Variants in ST8SIA6 observed in about 807,000 individuals in gnomAD.
ST8SIA6 encodes alpha-2,8-sialyltransferase 8F.
ST8SIA6 carries 39 observed loss-of-function variants against 33.6 expected under a neutral mutation model. That is an observed-to-expected ratio of 1.16 (90% CI 0.90 to 1.52). The LOEUF (loss-of-function observed/expected upper bound fraction) is 1.52, where lower values mean the gene tolerates loss of function less well. Among genes scored for constraint, ST8SIA6 ranks in the 40% most tolerant of loss-of-function variants. The pLI, the probability that ST8SIA6 is intolerant of heterozygous loss-of-function variation, is 0.00. For missense variants in ST8SIA6, 441 were observed against 443.8 expected (o/e 0.99, Z 0.06); for synonymous variants, 172 against 167.2 (o/e 1.03, Z -0.22).
At chr10:17,447,853 T>C (rs913375285) in intron 2 of ST8SIA6, among the ~76,000 whole-genome samples, 3 of 152,188 alleles carry the variant, frequency 2.0e-5, no homozygotes, top group African/African-American at 7.2e-5. Flanking sequence ...CTCACTCTGT[T>C]GTCCAGGATA....
chr10:17,334,302 G>A (rs910284157), intron 4 of ST8SIA6, among the ~76,000 whole-genome samples: 7 of 151,406 alleles, frequency 4.6e-5, no homozygotes, highest in South Asian at 2.1e-4. Context: ...CACTTTGGGA[G>A]GCCGAGGCGG....
At chr10:17,409,113 A>G (rs537965183) in intron 2 of ST8SIA6, among the ~76,000 whole-genome samples, 4 of 152,290 alleles carry the variant, frequency 2.6e-5, no homozygotes, top group African/African-American at 9.6e-5. Flanking sequence ...AAAATACCTT[A>G]TCTGTATTCA....
intron 2 of ST8SIA6, among the ~76,000 whole-genome samples, chr10:17,407,190 A>G (rs933410467): frequency 6.6e-6 from 1 of 152,206 alleles, no homozygotes; most frequent in Non-Finnish European, 1.5e-5. Flanking sequence ...GCTAAATGCT[A>G]TAACTTAGCC....
intron 3 of ST8SIA6, among the ~76,000 whole-genome samples, chr10:17,371,782 T>TAAAAAAAAAAAA (rs202019274): frequency 1.1e-5 from 1 of 89,536 alleles, no homozygotes; most frequent in Non-Finnish European, 2.1e-5. Context: ...CAAGACTCCA[T>TAAAAAAAAAAAA]TAAAAAAAAA....
At chr10:17,360,560 A>G (rs1365868299) in intron 3 of ST8SIA6, among the ~76,000 whole-genome samples, 4 of 145,468 alleles carry the variant, frequency 2.7e-5, no homozygotes, top group African/African-American at 7.4e-5. Context: ...ACATAAATGC[A>G]TGAACTATAG....
At chr10:17,420,037 GGTTTTAAAATGATA>G (rs1460838707) in intron 2 of ST8SIA6, among the ~76,000 whole-genome samples, 24 of 152,144 alleles carry the variant, frequency 1.6e-4, no homozygotes, top group African/African-American at 5.8e-4. Context: ...ATAAGGAGGA[GGTTTTAAAATGATA>G]ACCATGATAT....
At chr10:17,406,652 T>G (rs769175394) in intron 2 of ST8SIA6, among the ~76,000 whole-genome samples, 8 of 152,316 alleles carry the variant, frequency 5.3e-5, no homozygotes, top group Non-Finnish European at 7.4e-5. Context: ...GTTACTGTCT[T>G]GGCAGGCCTC....
chr10:17,433,778 C>T (rs1252703564), intron 2 of ST8SIA6, among the ~76,000 whole-genome samples: 1 of 152,188 alleles, frequency 6.6e-6, no homozygotes, highest in African/African-American at 2.4e-5. Flanking sequence ...TCAGTAGAGT[C>T]TCAAAACCTG....
chr10:17,443,492 A>G (rs1253691372), intron 2 of ST8SIA6, among the ~76,000 whole-genome samples: 2 of 152,232 alleles, frequency 1.3e-5, no homozygotes, highest in African/African-American at 4.8e-5. Flanking sequence ...CAATAACAAC[A>G]ATAACTAGCA....
At chr10:17,337,474 G>C (rs1016234759) in intron 4 of ST8SIA6, among the ~76,000 whole-genome samples, 6 of 152,050 alleles carry the variant, frequency 3.9e-5, no homozygotes, top group African/African-American at 1.5e-4. Context: ...CAACCCCAAA[G>C]CACTCGTTAT....
chr10:17,423,245 T>C (rs548500056), intron 2 of ST8SIA6, among the ~76,000 whole-genome samples: 2 of 152,354 alleles, frequency 1.3e-5, no homozygotes, highest in Admixed American at 6.5e-5. Flanking sequence ...TGAAATTCAC[T>C]ATATTTACAA....
In ST8SIA6 at chr10:17,327,134, G is replaced by A. The variant is rs752261963; in HGVS notation, c.523-8C>T. On this transcript the variant is annotated splice_region_variant and splice_polypyrimidine_tract_variant and intron_variant, in intron 5 of 7. Coordinates refer to ENST00000377602, the MANE Select transcript of ST8SIA6 (RefSeq NM_001004470.3). ...GTCCACAAAAGGCTGGGACTAGCAG[G>A]AGAAAGTGGAAAACTACCATGAAAT... The A allele has an allele frequency of 1.9e-6, 3 of 1,585,166 alleles. No individual in the cohort carries two copies. Among genetic ancestry groups the A allele is most frequent in the Admixed American group, 3.7e-5 (2 of 54,120 alleles).
At chr10:17,411,611 G>A (rs971900658) in intron 2 of ST8SIA6, among the ~76,000 whole-genome samples, 2 of 152,282 alleles carry the variant, frequency 1.3e-5, no homozygotes, top group Middle Eastern at 3.4e-3. Flanking sequence ...AGTTAAGTTG[G>A]AGCTACTTTG....
intron 4 of ST8SIA6, among the ~76,000 whole-genome samples, chr10:17,338,313 G>A (rs574963160): frequency 8.2e-4 from 125 of 152,312 alleles, no homozygotes; most frequent in South Asian, 7.5e-3. Context: ...GATTACAGGC[G>A]TGAGCCACCG....
At chr10:17,392,525 C>T (rs916091564) in intron 2 of ST8SIA6, among the ~76,000 whole-genome samples, 2 of 151,344 alleles carry the variant, frequency 1.3e-5, no homozygotes, top group African/African-American at 2.4e-5. Context: ...GACTCTGTCT[C>T]AAAAAAATAA....
In ST8SIA6 at chr10:17,358,215, CTT is replaced by C. The variant is rs529735109; in HGVS notation, c.377+1297_377+1298del. Among the ~76,000 whole-genome samples the C allele has an allele frequency of 2.6e-3, 401 of 152,246 alleles. 2 individuals carry two copies. The highest frequency in any genetic ancestry group is 9.0e-3 in the African/African-American group (374 of 41,530). On this transcript the variant is annotated intron_variant, in intron 4 of 7. Coordinates refer to ENST00000377602, the MANE Select transcript of ST8SIA6 (RefSeq NM_001004470.3). Reference sequence around the variant, plus strand: ...GCTTTGACACCACCAGGAAGGCACTCTTTCACCTACTGGGGGTGGAGCAGAAC... The same window carrying C: ...GCTTTGACACCACCAGGAAGGCACTCTCACCTACTGGGGGTGGAGCAGAAC...
intron 2 of ST8SIA6, among the ~76,000 whole-genome samples, chr10:17,447,747 T>G (rs1852772399): frequency 6.6e-6 from 1 of 152,158 alleles, no homozygotes; most frequent in African/African-American, 2.4e-5. Flanking sequence ...AATTACTAAC[T>G]AAAAAGTCCA....
intron 5 of ST8SIA6, among the ~76,000 whole-genome samples, chr10:17,328,005 AC>A (rs199538568): frequency 0.015 from 2,352 of 152,338 alleles, 33 homozygotes; most frequent in Middle Eastern, 0.034. Context: ...CATAGGATAC[AC>A]GGCATAATGT....
chr10:17,408,520 T>C (rs1414552426), intron 2 of ST8SIA6, among the ~76,000 whole-genome samples: 2 of 151,712 alleles, frequency 1.3e-5, no homozygotes, highest in Non-Finnish European at 2.9e-5. Flanking sequence ...AAAAATTAGC[T>C]GGGCATGGGG....
Sources: allele counts gnomAD v4.1 joint callset (sites outside exome capture counted in the v4.1 genomes callset), GRCh38; gene constraint gnomAD v4.1.1; transcripts MANE v1.5; gene names NCBI Gene and HGNC (gene_info 2026-07-23, HGNC 2026-07-21).